The following OPCML variants were observed in gnomAD, a reference collection of about 807,000 sequenced individuals.
OPCML encodes the protein opioid binding protein/cell adhesion molecule like, also known as opioid-binding protein/cell adhesion molecule.
Under a neutral mutation model 37.8 loss-of-function variants are expected in OPCML, and 13 were observed. The ratio of observed to expected loss-of-function variants is 0.34; its 90% CI spans 0.22 to 0.55. OPCML has a LOEUF of 0.55. OPCML is among the 20% of genes least tolerant of loss of function. OPCML has a pLI of 0.91. For synonymous variants in OPCML, 176 were observed against 168.8 expected (o/e 1.04, Z -0.33); for missense variants, 341 against 435.6 (o/e 0.78, Z 1.93).
intron 1 of OPCML, among the ~76,000 whole-genome samples, chr11:133,158,768 A>AT (rs1277089626): frequency 3.2e-4 from 46 of 145,742 alleles, no homozygotes; most frequent in African/African-American, 1.1e-3. Flanking sequence ...GAAAATTAAA[A>AT]AAAATTTCTA....
At position 132,769,932 on chromosome 11, in the gene OPCML, T is replaced by C. The variant is rs79733117; in HGVS notation, c.147-112613A>G. On this transcript the variant is annotated intron_variant, in intron 2 of 7. Coordinates refer to ENST00000524381, the MANE Select transcript of OPCML (RefSeq NM_001012393.5). ...ATCTCTTCAAATGCAATTTTGAAGA[T>C]GTTCACACAGGCATCATGGGGAGAA... Among the ~76,000 whole-genome samples the C allele has an allele frequency of 2.1e-4, 32 of 152,184 alleles. 1 individual carries two copies. In the East Asian group the frequency reaches 6.0e-3, roughly 29 times the overall value.
At position 133,038,307 on chromosome 11, in the gene OPCML, C is replaced by T. The variant is rs116558773; in HGVS notation, c.62-95297G>A. On this transcript the variant is annotated intron_variant, in intron 1 of 7. Coordinates refer to ENST00000524381, the MANE Select transcript of OPCML (RefSeq NM_001012393.5). ...CTGCTTATAGCTCGGGTGGGACACT[C>T]ATCTCCTAGCTTTTCCTCACCCTTC... Among the ~76,000 whole-genome samples the T allele has an allele frequency of 7.0e-3, 1,072 of 152,324 alleles. 14 individuals carry two copies. Among genetic ancestry groups the T allele is most frequent in the African/African-American group, 0.024 (1,015 of 41,578 alleles).
chr11:133,321,161 C>G (rs964222068), intron 1 of OPCML, among the ~76,000 whole-genome samples: 2 of 151,936 alleles, frequency 1.3e-5, no homozygotes, highest in African/African-American at 4.8e-5. Context: ...TAAGGAAATA[C>G]TTTTTTTAAA....
intron 1 of OPCML, among the ~76,000 whole-genome samples, chr11:133,426,554 G>A (rs1362464186): frequency 2.6e-5 from 4 of 152,126 alleles, no homozygotes; most frequent in Non-Finnish European, 5.9e-5. Context: ...CAGAAGAAAA[G>A]AGAAAGCTGC....
At chr11:132,659,101 A>C (rs1941839174) in intron 2 of OPCML, among the ~76,000 whole-genome samples, 1 of 152,234 alleles carries the variant, frequency 6.6e-6, no homozygotes, top group Admixed American at 6.5e-5. Context: ...ACATCATTAT[A>C]GAAATGTCAT....
At chr11:133,009,768 G>A (rs896233149) in intron 1 of OPCML, among the ~76,000 whole-genome samples, 1 of 152,184 alleles carries the variant, frequency 6.6e-6, no homozygotes, top group Non-Finnish European at 1.5e-5. Context: ...TGCCGCCTCT[G>A]ATCTGACAGG....
At chr11:132,571,590 C>T (rs550962537) in intron 3 of OPCML, among the ~76,000 whole-genome samples, 43 of 152,154 alleles carry the variant, frequency 2.8e-4, no homozygotes, top group Non-Finnish European at 5.6e-4. Flanking sequence ...CATCCTGTCA[C>T]ATATTGCAGA....
chr11:132,510,244 G>A (rs916108283), intron 4 of OPCML, among the ~76,000 whole-genome samples: 2 of 152,150 alleles, frequency 1.3e-5, no homozygotes, highest in Non-Finnish European at 2.9e-5. Context: ...ATCGTATCTA[G>A]GAAGTAACTA....
chr11:133,220,685 C>G (rs559976766), intron 1 of OPCML, among the ~76,000 whole-genome samples: 2 of 152,194 alleles, frequency 1.3e-5, no homozygotes, highest in Non-Finnish European at 2.9e-5. Flanking sequence ...TATACTGCCT[C>G]TACCACCACT....
intron 2 of OPCML, among the ~76,000 whole-genome samples, chr11:132,928,646 C>A (rs1221390776): frequency 6.6e-6 from 1 of 151,928 alleles, no homozygotes; most frequent in African/African-American, 2.4e-5. Context: ...CAGAACACTC[C>A]ACCCAGCAAA....
intron 3 of OPCML, among the ~76,000 whole-genome samples, chr11:132,571,162 T>C (rs2096437496): frequency 6.6e-6 from 1 of 152,000 alleles, no homozygotes; most frequent in African/African-American, 2.4e-5. Context: ...ACATAAGACT[T>C]CAGGTTCTTT....
intron 1 of OPCML, among the ~76,000 whole-genome samples, chr11:133,474,373 A>G (rs546265723): frequency 1.3e-5 from 2 of 152,344 alleles, no homozygotes; most frequent in Non-Finnish European, 2.9e-5. Context: ...ACCTACTTCT[A>G]AAGTGAACAA....
chr11:133,039,196 C>G (rs1039272456), intron 1 of OPCML, among the ~76,000 whole-genome samples: 1 of 152,138 alleles, frequency 6.6e-6, no homozygotes, highest in Non-Finnish European at 1.5e-5. Flanking sequence ...ATCCTTGCCA[C>G]AGCTTAGCCT....
chr11:132,714,583 C>G (rs1404665240), intron 2 of OPCML, among the ~76,000 whole-genome samples: 1 of 135,146 alleles, frequency 7.4e-6, no homozygotes, highest in African/African-American at 3.5e-5. Flanking sequence ...ATTGATAAAT[C>G]TTGACTTTGG....
intron 1 of OPCML, among the ~76,000 whole-genome samples, chr11:133,271,501 A>G (rs1941831271): frequency 6.6e-6 from 1 of 152,226 alleles, no homozygotes; most frequent in Non-Finnish European, 1.5e-5. Flanking sequence ...ATAGCCATCA[A>G]TAATAATGAT....
chr11:132,807,576 A>G (rs1394362932), intron 2 of OPCML, among the ~76,000 whole-genome samples: 1 of 152,206 alleles, frequency 6.6e-6, no homozygotes, highest in Non-Finnish European at 1.5e-5. Flanking sequence ...GGGCTGGCCA[A>G]GAAGCAGCTC....
At chr11:132,494,028 C>A (rs941028684) in intron 4 of OPCML, among the ~76,000 whole-genome samples, 1 of 152,228 alleles carries the variant, frequency 6.6e-6, no homozygotes, top group African/African-American at 2.4e-5. Context: ...GGGTGCCTTT[C>A]CCTGCCTGGC....
Position 133,154,904 on chromosome 11 carries a change from T to C in OPCML, c.62-211894A>G, listed in dbSNP as rs974370847. On this transcript the variant is annotated intron_variant, in intron 1 of 7. Transcript: ENST00000524381. ...TTGCCTTGAATTGCAATTTTTCTTATCTCAGAGAACTTTGCACCAGAACCG... is the reference window on the plus strand; with the variant it reads ...TTGCCTTGAATTGCAATTTTTCTTACCTCAGAGAACTTTGCACCAGAACCG... Among the ~76,000 whole-genome samples the C allele has an allele frequency of 2.6e-5, 4 of 152,330 alleles. No individual in the cohort carries two copies. The South Asian group carries it at 6.2e-4, about 24-fold the overall frequency.
intron 1 of OPCML, among the ~76,000 whole-genome samples, chr11:133,499,570 C>T (rs1158146878): frequency 1.3e-5 from 2 of 151,822 alleles, no homozygotes; most frequent in African/African-American, 4.8e-5. Flanking sequence ...TCTTTGTGGG[C>T]TGCACTCGTA....
Sources: allele counts gnomAD v4.1 joint callset (sites outside exome capture counted in the v4.1 genomes callset), GRCh38; gene constraint gnomAD v4.1.1; transcripts MANE v1.5; gene names NCBI Gene and HGNC (gene_info 2026-07-23, HGNC 2026-07-21).